The following SRBD1 variants were observed in gnomAD, a reference collection of about 807,000 sequenced individuals.
SRBD1 encodes the protein S1 RNA binding domain 1.
Under a neutral mutation model 115.3 loss-of-function variants are expected in SRBD1, and 88 were observed. The ratio of observed to expected loss-of-function variants is 0.76; its 90% CI spans 0.64 to 0.91. SRBD1 has a LOEUF of 0.91. SRBD1 is among the 40% of genes least tolerant of loss of function. The pLI, the probability that SRBD1 is intolerant of heterozygous loss-of-function variation, is 0.00. For missense variants in SRBD1, 1,385 were observed against 1,177.4 expected (o/e 1.18, Z -2.58); for synonymous variants, 509 against 407.7 (o/e 1.25, Z -2.99).
intron 12 of SRBD1, among the ~76,000 whole-genome samples, chr2:45,548,193 C>G (rs1393017778): frequency 6.6e-6 from 1 of 150,518 alleles, no homozygotes; most frequent in Non-Finnish European, 1.5e-5. Context: ...AGGAAAAGAA[C>G]AGCAAAATAA....
intron 16 of SRBD1, among the ~76,000 whole-genome samples, chr2:45,434,009 G>T (rs903602792): frequency 6.6e-6 from 1 of 152,128 alleles, no homozygotes; most frequent in Non-Finnish European, 1.5e-5. Context: ...ATGGCCAGTG[G>T]TCATAAGAGG....
chr2:45,390,249 C>A (rs916942177), intron 20 of SRBD1, among the ~76,000 whole-genome samples: 3 of 152,168 alleles, frequency 2.0e-5, no homozygotes, highest in Non-Finnish European at 4.4e-5. Flanking sequence ...CAATTAAATT[C>A]ATCAAACATT....
intron 14 of SRBD1, among the ~76,000 whole-genome samples, chr2:45,504,366 T>C (rs936802145): frequency 6.6e-6 from 1 of 152,126 alleles, no homozygotes; most frequent in Non-Finnish European, 1.5e-5. Context: ...CATTTTTTCA[T>C]CCAAATTCTT....
chr2:45,443,458 G>A (rs72803994), intron 16 of SRBD1, among the ~76,000 whole-genome samples: 8,366 of 152,132 alleles, frequency 0.055, 321 homozygotes, highest in Non-Finnish European at 0.082. Flanking sequence ...AAATTTTGGT[G>A]GGGGGGATTA....
chr2:45,391,140 T>A (rs1310365687), intron 20 of SRBD1, among the ~76,000 whole-genome samples: 3 of 152,170 alleles, frequency 2.0e-5, no homozygotes. Flanking sequence ...AGCTGTTTAG[T>A]TTAATCTTGC....
At chr2:45,514,665 G>A (rs574557695) in intron 14 of SRBD1, among the ~76,000 whole-genome samples, 5 of 152,126 alleles carry the variant, frequency 3.3e-5, no homozygotes, top group South Asian at 4.1e-4. Context: ...GGATGGCGGC[G>A]GGGAGGGTAC....
At chr2:45,552,651 C>T (rs1393287002) in intron 11 of SRBD1, among the ~76,000 whole-genome samples, 2 of 152,158 alleles carry the variant, frequency 1.3e-5, no homozygotes, top group Non-Finnish European at 2.9e-5. Flanking sequence ...AGTGTATGCC[C>T]TAGCTCTCAA....
intron 14 of SRBD1, among the ~76,000 whole-genome samples, chr2:45,534,731 C>A (rs372776859): frequency 5.1e-4 from 78 of 152,046 alleles, no homozygotes; most frequent in African/African-American, 1.7e-3. Flanking sequence ...CCAACCACAT[C>A]TTTTCCTCCA....
intron 16 of SRBD1, among the ~76,000 whole-genome samples, chr2:45,451,321 G>A (rs551769313): frequency 2.6e-5 from 4 of 151,758 alleles, no homozygotes; most frequent in African/African-American, 7.3e-5. Flanking sequence ...CTAACTTTAC[G>A]GGGGTGAAAT....
chr2:45,532,395 A>G (rs886652550), intron 14 of SRBD1, among the ~76,000 whole-genome samples: 5 of 151,852 alleles, frequency 3.3e-5, no homozygotes, highest in Non-Finnish European at 7.4e-5. Context: ...TATAAAGAAG[A>G]CGGAGCTGAA....
At chr2:45,406,267 T>C (rs1474604200) in intron 19 of SRBD1, among the ~76,000 whole-genome samples, 1 of 151,294 alleles carries the variant, frequency 6.6e-6, no homozygotes, top group East Asian at 1.9e-4. Flanking sequence ...GCAGAAGGAG[T>C]AAAAATACAG....
chr2:45,456,053 A>C (rs536897638), intron 16 of SRBD1, among the ~76,000 whole-genome samples: 1 of 152,000 alleles, frequency 6.6e-6, no homozygotes, highest in East Asian at 1.9e-4. Context: ...CTTACTAAAT[A>C]ACCTCCTGGC....
intron 13 of SRBD1, 141 bp from the exon 14 acceptor site, chr2:45,546,980 T>C (rs1672141148): frequency 2.7e-6 from 2 of 751,466 alleles, no homozygotes; most frequent in Non-Finnish European, 4.5e-6. Flanking sequence ...CACTGTTGCA[T>C]AAGGAAAACA....
At chr2:45,600,309 C>T (rs897498599) in intron 3 of SRBD1, among the ~76,000 whole-genome samples, 4 of 119,808 alleles carry the variant, frequency 3.3e-5, no homozygotes, top group East Asian at 2.1e-4. Context: ...TGCTACCATT[C>T]GGGAAAAAAT....
intron 15 of SRBD1, among the ~76,000 whole-genome samples, chr2:45,478,564 A>G (rs1669872103): frequency 6.6e-6 from 1 of 152,218 alleles, no homozygotes; most frequent in Non-Finnish European, 1.5e-5. Flanking sequence ...TAAAGAAATC[A>G]ATCACAAAAG....
intron 14 of SRBD1, among the ~76,000 whole-genome samples, chr2:45,543,443 G>A (rs1412811983): frequency 6.6e-6 from 1 of 152,304 alleles, no homozygotes; most frequent in East Asian, 1.9e-4. Context: ...GTGTTGGAAG[G>A]AACAGATAAG....
At chr2:45,517,507 G>A (rs1307094324) in intron 14 of SRBD1, among the ~76,000 whole-genome samples, 2 of 152,170 alleles carry the variant, frequency 1.3e-5, no homozygotes, top group Admixed American at 6.5e-5. Context: ...AGACTAATGT[G>A]ACAAGTTCTG....
intron 16 of SRBD1, among the ~76,000 whole-genome samples, chr2:45,460,254 C>T (rs1193465963): frequency 1.3e-5 from 2 of 152,038 alleles, no homozygotes; most frequent in Non-Finnish European, 2.9e-5. Flanking sequence ...GTAGCATGCC[C>T]GTAAATTTGT....
chr2:45,431,925 G>A (rs187161609), intron 16 of SRBD1, among the ~76,000 whole-genome samples: 14 of 152,218 alleles, frequency 9.2e-5, no homozygotes, highest in East Asian at 5.8e-4. Flanking sequence ...AAACGCTGCC[G>A]TCAGGTCAGC....
Sources: gnomAD v4.1 joint callset for allele counts (sites outside exome capture counted in the v4.1 genomes callset) on GRCh38, gnomAD v4.1.1 for gene constraint, MANE v1.5 for transcripts, NCBI Gene and HGNC (gene_info 2026-07-23, HGNC 2026-07-21) for gene names.